The following CLIC4 variants were observed in gnomAD, a reference collection of about 807,000 sequenced individuals.
The protein encoded by CLIC4 is chloride intracellular channel protein 4.
Under a neutral mutation model 24.6 loss-of-function variants are expected in CLIC4, and 13 were observed. That is an observed-to-expected ratio of 0.53 (90% confidence interval 0.34 to 0.84). CLIC4 has a LOEUF of 0.84. CLIC4 is among the 40% of genes least tolerant of loss of function. CLIC4 has a pLI of 0.01. For synonymous variants in CLIC4, 104 were observed against 111.3 expected (o/e 0.93, Z 0.41); for missense variants, 227 against 301.7 (o/e 0.75, Z 1.83).
intron 1 of CLIC4, among the ~76,000 whole-genome samples, chr1:24,794,337 C>CT (rs1639372629): frequency 6.8e-6 from 1 of 146,182 alleles, no homozygotes; most frequent in Admixed American, 7.1e-5. Flanking sequence ...TTCTCTACAA[C>CT]TTTGCCAGCA....
chr1:24,747,518 A>G (rs1353237930), intron 1 of CLIC4, among the ~76,000 whole-genome samples: 1 of 122,780 alleles, frequency 8.1e-6, no homozygotes, highest in African/African-American at 3.1e-5. Flanking sequence ...TGGGCAACAG[A>G]GTAAGACTCC....
chr1:24,760,199 T>C (rs1190632965), intron 1 of CLIC4, among the ~76,000 whole-genome samples: 1 of 151,954 alleles, frequency 6.6e-6, no homozygotes, highest in Non-Finnish European at 1.5e-5. Context: ...ACCCCGTCTC[T>C]ACTAAGACTA....
At chr1:24,840,351 T>C (rs923720981) in intron 5 of CLIC4, among the ~76,000 whole-genome samples, 5 of 152,230 alleles carry the variant, frequency 3.3e-5, no homozygotes, top group African/African-American at 9.6e-5. Context: ...TGATCACACC[T>C]TGCTTTCTCT....
intron 2 of CLIC4, among the ~76,000 whole-genome samples, chr1:24,812,021 TCAA>T (rs889975054): frequency 2.6e-5 from 4 of 152,184 alleles, no homozygotes; most frequent in African/African-American, 7.2e-5. Flanking sequence ...TTTTTCCTAA[TCAA>T]CAGGAGGAAG....
At chr1:24,769,252 CAG>C (rs1639044674) in intron 1 of CLIC4, among the ~76,000 whole-genome samples, 1 of 152,106 alleles carries the variant, frequency 6.6e-6, no homozygotes, top group South Asian at 2.1e-4. Flanking sequence ...ACAGAATAAA[CAG>C]ATATATAAAA....
At chr1:24,806,131 A>G (rs933421800) in intron 2 of CLIC4, among the ~76,000 whole-genome samples, 1 of 152,202 alleles carries the variant, frequency 6.6e-6, no homozygotes, top group African/African-American at 2.4e-5. Flanking sequence ...GCCTTTTTGG[A>G]AGTAAACCAA....
chr1:24,781,345 T>C (rs1639203540), intron 1 of CLIC4, among the ~76,000 whole-genome samples: 2 of 150,330 alleles, frequency 1.3e-5, no homozygotes, highest in Non-Finnish European at 3.0e-5. Flanking sequence ...GGTTTCACCA[T>C]ATTGCCCAGG....
chr1:24,772,701 G>C (rs1639085040), intron 1 of CLIC4, among the ~76,000 whole-genome samples: 1 of 152,130 alleles, frequency 6.6e-6, no homozygotes, highest in Non-Finnish European at 1.5e-5. Flanking sequence ...GGCCAGGCTG[G>C]TCTTGAACCC....
chr1:24,790,711 C>T (rs1029816330), intron 1 of CLIC4, among the ~76,000 whole-genome samples: 1 of 152,150 alleles, frequency 6.6e-6, no homozygotes, highest in Non-Finnish European at 1.5e-5. Context: ...ATCCCAGGGG[C>T]AGGGGCTTGG....
At chr1:24,757,222 G>A (rs187266493) in intron 1 of CLIC4, among the ~76,000 whole-genome samples, 1 of 152,146 alleles carries the variant, frequency 6.6e-6, no homozygotes, top group East Asian at 1.9e-4. Flanking sequence ...GTAGAGACGG[G>A]GTTTCACCAT....
At chr1:24,774,033 T>C (rs570652534) in intron 1 of CLIC4, among the ~76,000 whole-genome samples, 54 of 152,294 alleles carry the variant, frequency 3.5e-4, no homozygotes, top group Admixed American at 1.9e-3. Flanking sequence ...AGTGCAGTGG[T>C]GCGATCTTGG....
chr1:24,775,282 G>T (rs1639123732), intron 1 of CLIC4, among the ~76,000 whole-genome samples: 1 of 129,138 alleles, frequency 7.7e-6, no homozygotes, highest in South Asian at 2.3e-4. Flanking sequence ...CTTAGGTATG[G>T]CATTATTTGT....
At position 24,841,287 on chromosome 1, in the gene CLIC4, A is replaced by G. The variant is rs543164112; in HGVS notation, c.*350A>G. ...TAGATGGCAGAACTTTTGAGGTGCA[A>G]TGTTTAATTGTTAAAAATAGTAGCC... On this transcript the variant is annotated 3_prime_UTR_variant, in exon 6 of 6. Transcript: ENST00000374379. 59 of 169,480 alleles carry G rather than the reference A, an allele frequency of 3.5e-4. No individual in the cohort carries two copies. Among genetic ancestry groups the G allele is most frequent in the Middle Eastern group, 2.7e-3 (1 of 370 alleles). The allele number at this position is 169,480 out of a possible 1,614,324, so 10.5% of individuals were successfully genotyped here.
At chr1:24,822,154 T>C (rs1328786619) in intron 3 of CLIC4, among the ~76,000 whole-genome samples, 1 of 152,162 alleles carries the variant, frequency 6.6e-6, no homozygotes, top group African/African-American at 2.4e-5. Context: ...CTGCTTCTTA[T>C]TTTATTGGGT....
intron 2 of CLIC4, 37 bp downstream of exon 2, chr1:24,797,888 G>T (rs1035931246): frequency 7.2e-7 from 1 of 1,379,868 alleles, no homozygotes; most frequent in African/African-American, 1.4e-5. Flanking sequence ...AACTTAAGCT[G>T]AACTATCTTT....
intron 1 of CLIC4, among the ~76,000 whole-genome samples, chr1:24,764,491 A>C (rs921943938): frequency 6.6e-6 from 1 of 151,902 alleles, no homozygotes; most frequent in Non-Finnish European, 1.5e-5. Flanking sequence ...CTGTCTCCAC[A>C]AAAAATGCAA....
At chr1:24,762,402 GGAGT>G (rs1377156089) in intron 1 of CLIC4, among the ~76,000 whole-genome samples, 1 of 152,126 alleles carries the variant, frequency 6.6e-6, no homozygotes, top group Non-Finnish European at 1.5e-5. Flanking sequence ...GCCTGATGAC[GGAGT>G]GAGACTCTCT....
At chr1:24,817,073 CTG>C (rs1392009229) in intron 3 of CLIC4, among the ~76,000 whole-genome samples, 1 of 152,190 alleles carries the variant, frequency 6.6e-6, no homozygotes, top group Non-Finnish European at 1.5e-5. Flanking sequence ...GACTTTTTCT[CTG>C]TAGCTATGAA....
At chr1:24,747,548 AAAAG>A (rs1019458251) in intron 1 of CLIC4, among the ~76,000 whole-genome samples, 2 of 150,504 alleles carry the variant, frequency 1.3e-5, no homozygotes, top group African/African-American at 4.9e-5. Flanking sequence ...AAAAAAAAAA[AAAAG>A]AAAGAAAGGA....
Sources: gnomAD v4.1 joint callset for allele counts (sites outside exome capture counted in the v4.1 genomes callset) on GRCh38, gnomAD v4.1.1 for gene constraint, MANE v1.5 for transcripts, NCBI Gene and HGNC (gene_info 2026-07-23, HGNC 2026-07-21) for gene names.